The following POLR1D variants were observed in gnomAD, a reference collection of about 807,000 sequenced individuals.
The protein encoded by POLR1D is RNA polymerase I and III subunit D.
Under a neutral mutation model 10.8 loss-of-function variants are expected in POLR1D, and 8 were observed. That is an observed-to-expected ratio of 0.74 (90% CI 0.43 to 1.33). The LOEUF (loss-of-function observed/expected upper bound fraction) is 1.33. POLR1D is among the 40% of genes most tolerant of loss of function. The pLI is 0.01. For missense variants in POLR1D, 152 were observed against 161.7 expected, an observed-to-expected ratio of 0.94 and a Z score of 0.32; for synonymous variants, 54 against 57.2, an observed-to-expected ratio of 0.94 and a Z score of 0.25.
upstream of POLR1D, chr13:27,621,845 C>G (rs1418342905): frequency 1.2e-6 from 1 of 862,112 alleles, no homozygotes; most frequent in Non-Finnish European, 1.9e-6. Context: ...CGCGCCGCTG[C>G]GGCTCCTCCT....
chr13:27,667,365 T>G (rs536159124), exon 3 of POLR1D: 4 of 152,242 alleles, frequency 2.6e-5, no homozygotes, highest in Non-Finnish European at 4.4e-5. Flanking sequence ...GTCATGGAGT[T>G]TTTAAAAATT....
intron 1 of POLR1D, among the ~76,000 whole-genome samples, chr13:27,631,515 C>T (rs74040825): frequency 0.022 from 3,382 of 152,282 alleles, 48 homozygotes; most frequent in Middle Eastern, 0.058. Context: ...ACCATCTTAG[C>T]GGCTGCTTAC....
At chr13:27,660,713 T>G (rs1299915128) in intron 2 of POLR1D, 1 of 152,328 alleles carries the variant, frequency 6.6e-6, no homozygotes, top group East Asian at 1.9e-4. Context: ...GACTGCTCTG[T>G]TAATTGGCCA....
rs574361243 is a variant in POLR1D at position 27,663,264 on chromosome 13, A to G, written c.102-2422A>G. On this transcript the variant is annotated intron_variant, in intron 2 of 2. Transcript: ENST00000399697. This position sits in a 1 kb window ranked among gnomAD's most constrained non-coding sequence, Gnocchi z 4.1. ...AATGAGCACTTGTCATCACTTCTAA[A>G]ATGTGTACTGGCATGCCTGGGAGAT... is the stretch of plus-strand genomic sequence containing the variant. Among the ~76,000 whole-genome samples, 40 of 152,212 alleles carry G rather than the reference A, an allele frequency of 2.6e-4. No individual in the cohort carries two copies. The highest frequency in any genetic ancestry group is 5.3e-4 in the Non-Finnish European group (36 of 68,020).
Position 27,623,060 on chromosome 13 carries a change from C to G in POLR1D, c.212C>G (p.Thr71Ser). Residue 71 changes from threonine to serine, a missense_variant, in exon 2 of 2, where the codon ACT becomes AGT. Physicochemically the swap from Thr to Ser is moderately conservative, Grantham distance 58. Coordinates refer to ENST00000302979, the MANE Select transcript of POLR1D (RefSeq NM_015972.4). ...KNPEVEFCGYTTTHPSESKIN... is the reference protein window; with the variant it reads ...KNPEVEFCGYSTTHPSESKIN... The stretch of plus-strand genomic sequence containing the variant: ...CCGGAAGTGGAATTTTGTGGTTACA[C>G]TACGACCCATCCTTCAGAGAGCAAA... 2 of 1,614,010 alleles carry G rather than the reference C, an allele frequency of 1.2e-6. No homozygotes were observed. Among genetic ancestry groups the G allele is most frequent in the Non-Finnish European group, 1.7e-6 (2 of 1,179,898 alleles).
At chr13:27,626,287 T>G (rs765932798), downstream of POLR1D, among the ~76,000 whole-genome samples, 14 of 152,204 alleles carry the variant, frequency 9.2e-5, no homozygotes, top group Non-Finnish European at 1.6e-4. Flanking sequence ...AGACTGATGA[T>G]AGTAGATGAA....
At chr13:27,636,211 C>T (rs956184031) in intron 1 of POLR1D, among the ~76,000 whole-genome samples, 4 of 152,124 alleles carry the variant, frequency 2.6e-5, no homozygotes, top group Admixed American at 6.5e-5. Flanking sequence ...TCTGTCTCCT[C>T]ATCGTTTCTC....
chr13:27,635,008 T>G (rs1956109012), intron 1 of POLR1D, among the ~76,000 whole-genome samples: 1 of 152,122 alleles, frequency 6.6e-6, no homozygotes, highest in Non-Finnish European at 1.5e-5. Context: ...GTTGTCGATG[T>G]TACCTGCCTT....
chr13:27,663,394 TA>T lies in POLR1D; in HGVS notation c.102-2286del, dbSNP rs1956383933. ...ATAGAATCCCAGGCATAACCAACAT[TA>T]AAAAACTGCATCTCTGATGTTAAAA... On this transcript the variant is annotated intron_variant, in intron 2 of 2. Coordinates refer to the POLR1D transcript ENST00000399697. The surrounding 1 kb of genome is among the most constrained non-coding windows in gnomAD (Gnocchi z 4.1). 6.6e-6 allele frequency among the ~76,000 whole-genome samples: 1 copy of T among 152,176 alleles called. No homozygotes were observed.
intron 2 of POLR1D, among the ~76,000 whole-genome samples, chr13:27,661,752 C>A (rs1366986650): frequency 6.6e-6 from 1 of 152,148 alleles, no homozygotes; most frequent in Non-Finnish European, 1.5e-5. Context: ...GTGAACTTTT[C>A]TAAAGAGTTA....
At chr13:27,625,341 G>A (rs1383223377), downstream of POLR1D, among the ~76,000 whole-genome samples, 2 of 152,156 alleles carry the variant, frequency 1.3e-5, no homozygotes, top group African/African-American at 2.4e-5. Context: ...AAGTGGCCTG[G>A]AAGGGTAGAA....
At chr13:27,626,859 A>C (rs966619933), downstream of POLR1D, among the ~76,000 whole-genome samples, 11 of 152,210 alleles carry the variant, frequency 7.2e-5, no homozygotes, top group Admixed American at 5.9e-4. Flanking sequence ...TAAGTACTCT[A>C]ATTAGTTGGC....
chr13:27,648,494 A>G lies in POLR1D; in HGVS notation c.101+41A>G, dbSNP rs764592905. 1.9e-5 allele frequency: 24 copies of G among 1,271,960 alleles called. No homozygotes were observed. The South Asian group carries it at 2.1e-4, about 11-fold the overall frequency. The allele number at this position is 1,271,960 out of a possible 1,614,324, so 78.8% of individuals were successfully genotyped here. A position where few individuals can be genotyped will look rare whatever the true frequency, so the allele number is the denominator to read the frequency against. On this transcript the variant is annotated intron_variant, in intron 2 of 2. Transcript: ENST00000399697. ...AATCTTCCTTAAAACTTAAGAAAAA[A>G]TTCTTAGCTGGAGATATAAATATGT...
At chr13:27,627,108 C>A (rs1245352286), downstream of POLR1D, among the ~76,000 whole-genome samples, 1 of 152,170 alleles carries the variant, frequency 6.6e-6, no homozygotes, top group Non-Finnish European at 1.5e-5. Context: ...TAGAGTCATT[C>A]TTTGTAACAA....
chr13:27,623,257 A>G lies in POLR1D; in HGVS notation c.*7A>G. 2 of 1,613,502 alleles carry G rather than the reference A, an allele frequency of 1.2e-6. No homozygotes were observed. Among genetic ancestry groups the G allele is most frequent in the South Asian group, 1.1e-5 (1 of 90,724 alleles). Reference sequence around the variant, plus strand: ...AAATGAATCCACATTCTAGTCCTTTATGCAGTATACAAGGAGAACTGTCCT... The same window carrying G: ...AAATGAATCCACATTCTAGTCCTTTGTGCAGTATACAAGGAGAACTGTCCT... On this transcript the variant is annotated 3_prime_UTR_variant, in exon 2 of 2. Coordinates refer to ENST00000302979, the MANE Select transcript of POLR1D (RefSeq NM_015972.4).
chr13:27,647,523 G>A (rs186580219), intron 1 of POLR1D, among the ~76,000 whole-genome samples: 19 of 151,926 alleles, frequency 1.3e-4, no homozygotes, highest in Non-Finnish European at 2.1e-4. Context: ...ACACCTAGCC[G>A]TCTCCAAATG....
At chr13:27,665,460 A>G (rs556788102) in intron 2 of POLR1D, 5 of 559,178 alleles carry the variant, frequency 8.9e-6, no homozygotes, top group South Asian at 8.4e-5. Flanking sequence ...GAAGGAAGAA[A>G]GGTTTAAAGT....
intron 1 of POLR1D, among the ~76,000 whole-genome samples, chr13:27,642,581 C>T (rs1292414856): frequency 6.6e-6 from 1 of 151,922 alleles, no homozygotes; most frequent in Non-Finnish European, 1.5e-5. Context: ...TTTTTAAAAC[C>T]TTGCATTTGT....
downstream of POLR1D, among the ~76,000 whole-genome samples, chr13:27,627,914 C>A (rs77734239): frequency 0.043 from 6,604 of 151,966 alleles, 201 homozygotes; most frequent in Non-Finnish European, 0.066. Flanking sequence ...AAAAAAGTAA[C>A]TTGGAGACAG....
Sources: allele counts gnomAD v4.1 joint callset (sites outside exome capture counted in the v4.1 genomes callset), GRCh38; gene constraint gnomAD v4.1.1; non-coding constraint Gnocchi (gnomAD v3.1); transcripts MANE v1.5; gene names NCBI Gene and HGNC (gene_info 2026-07-23, HGNC 2026-07-21).